The following ADAMTS6 variants were observed in gnomAD, a reference collection of about 807,000 sequenced individuals.
ADAMTS6 encodes the protein A disintegrin and metalloproteinase with thrombospondin motifs 6.
Under a neutral mutation model 144.3 loss-of-function variants are expected in ADAMTS6, and 23 were observed. The ratio of observed to expected loss-of-function variants is 0.16; its 90% CI spans 0.11 to 0.23. The LOEUF is 0.23. Ranked by LOEUF, ADAMTS6 falls within the 10% of genes least tolerant of loss-of-function variation. The pLI is 1.00. For missense variants in ADAMTS6, 999 were observed against 1,379.6 expected (o/e 0.72, Z 4.37); for synonymous variants, 444 against 457.5 (o/e 0.97, Z 0.38).
chr5:65,151,762 C>T lies in ADAMTS6; in HGVS notation c.*74G>A. 2.2e-6 allele frequency: 3 copies of T among 1,334,150 alleles called. No homozygotes were observed. The highest frequency in any genetic ancestry group is 3.2e-6 in the Non-Finnish European group (3 of 935,380). 82.6% of individuals were successfully genotyped at this position (1,334,150 alleles called of 1,614,324 possible). A position where few individuals can be genotyped will look rare whatever the true frequency, so the allele number is the denominator to read the frequency against. On this transcript the variant is annotated 3_prime_UTR_variant, in exon 25 of 25. Transcript: ENST00000381055. The stretch of plus-strand genomic sequence containing the variant: ...CATTTGCAAGGACATCAATCCTCTT[C>T]CTCTGGGTGGCTCTCTTTGATGGAT...
At chr5:65,181,716 T>C (rs767238759) in intron 22 of ADAMTS6, among the ~76,000 whole-genome samples, 15 of 152,188 alleles carry the variant, frequency 9.9e-5, no homozygotes, top group East Asian at 1.9e-4. Flanking sequence ...ATATGAATTA[T>C]TGTAAGAATA....
At chr5:65,471,601 C>CA (rs11433865) in intron 2 of ADAMTS6, among the ~76,000 whole-genome samples, 19,483 of 151,750 alleles carry the variant, frequency 0.13, 4,166 homozygotes, top group African/African-American at 0.45. Flanking sequence ...ACTAAAAATA[C>CA]AAAAAAATTA....
chr5:65,371,575 A>G (rs1289926039), intron 7 of ADAMTS6, among the ~76,000 whole-genome samples: 1 of 152,208 alleles, frequency 6.6e-6, no homozygotes, highest in Non-Finnish European at 1.5e-5. Context: ...TAGAGAAAAA[A>G]GAATAAAAAG....
At chr5:65,170,170 C>G (rs1350085678) in intron 24 of ADAMTS6, among the ~76,000 whole-genome samples, 1 of 152,084 alleles carries the variant, frequency 6.6e-6, no homozygotes, top group South Asian at 2.1e-4. Context: ...ATTTAAAATG[C>G]AAGTAGTTTC....
rs1753563399 is a variant in ADAMTS6, at chr5:65,170,707, C to A, written c.3154G>T (p.Ala1052Ser). 3 of 1,613,874 alleles carry A rather than the reference C, an allele frequency of 1.9e-6. No individual in the cohort carries two copies. Among genetic ancestry groups the A allele is most frequent in the Non-Finnish European group, 2.5e-6 (3 of 1,179,898 alleles). Residue 1052 changes from alanine (A) to serine (S), a missense_variant, in exon 24 of 25, where the codon GCA becomes TCA. Physicochemically the swap from Ala to Ser is moderately conservative, Grantham distance 99. This residue lies in a region of ADAMTS6 where 619 missense variants were observed against 837.0 expected (regional missense o/e 0.74). Coordinates refer to ENST00000381055, the MANE Select transcript of ADAMTS6 (RefSeq NM_197941.4). ...TVQCLSYTGQ[A>S]SSDCLETVRP... is the part of the protein sequence containing the mutation. ...ACAGTTTCTAGACAGTCACTAGATG[C>A]CTGTCCGGTGTAGGAGAGACACTGC...
intron 14 of ADAMTS6, among the ~76,000 whole-genome samples, chr5:65,259,578 G>A (rs1390061071): frequency 6.6e-6 from 1 of 152,168 alleles, no homozygotes; most frequent in Admixed American, 6.6e-5. Context: ...CTTAACAAGA[G>A]TATTTCCATA....
chr5:65,296,444 C>T (rs569904372), intron 10 of ADAMTS6, among the ~76,000 whole-genome samples: 1 of 152,260 alleles, frequency 6.6e-6, no homozygotes, highest in African/African-American at 2.4e-5. Context: ...CCTTTTCCCC[C>T]TATATGTAAT....
chr5:65,332,304 T>G lies in ADAMTS6; in HGVS notation c.1117+1738A>C, dbSNP rs542629851. ...CAGTGAGGGTATATATATATATATA[T>G]ATATATATAGAGAGAGAGAGAGAGA... On this transcript the variant is annotated intron_variant, in intron 8 of 24. Coordinates refer to ENST00000381055, the MANE Select transcript of ADAMTS6 (RefSeq NM_197941.4). Among the ~76,000 whole-genome samples, 1,134 of 117,902 alleles carry G rather than the reference T, an allele frequency of 9.6e-3. 12 individuals carry two copies. Among genetic ancestry groups the G allele is most frequent in the African/African-American group, 0.03 (1,065 of 36,016 alleles). 77.3% of individuals were successfully genotyped at this position (117,902 alleles called of 152,430 possible).
chr5:65,262,893 A>C lies in ADAMTS6; in HGVS notation c.1690T>G (p.Trp564Gly). ...PQSIDGGWGPWSLWGECSRTC... is the reference protein window; with the variant it reads ...PQSIDGGWGPGSLWGECSRTC... The stretch of plus-strand genomic sequence containing the variant: ...CTGCTGCACTCTCCCCATAGTGACC[A>C]GGGACCCCAGCCCCCATCTATGCTC... Residue 564 changes from tryptophan to glycine, a missense_variant, in exon 13 of 25, where the codon TGG (tryptophan) becomes GGG (glycine). By Grantham distance (184) the Trp-to-Gly change is radical. Coordinates refer to ENST00000381055, the MANE Select transcript of ADAMTS6 (RefSeq NM_197941.4). The C allele has an allele frequency of 6.2e-7, 1 of 1,612,792 alleles. No homozygotes were observed. The highest frequency in any genetic ancestry group is 8.5e-7 in the Non-Finnish European group (1 of 1,179,396).
intron 21 of ADAMTS6, among the ~76,000 whole-genome samples, chr5:65,191,957 T>G (rs2112196884): frequency 6.6e-6 from 1 of 152,236 alleles, no homozygotes; most frequent in African/African-American, 2.4e-5. Flanking sequence ...CATCACTGGA[T>G]ATTAGCATAC....
chr5:65,464,197 G>A (rs1161986884), intron 3 of ADAMTS6, among the ~76,000 whole-genome samples: 2 of 152,134 alleles, frequency 1.3e-5, no homozygotes, highest in African/African-American at 4.8e-5. Context: ...AATCCCTTTG[G>A]AAGTCTAAGG....
At chr5:65,224,296 A>C in intron 18 of ADAMTS6, 24 bp downstream of exon 18, 2 of 1,601,640 alleles carry the variant, frequency 1.2e-6, no homozygotes, top group Non-Finnish European at 1.7e-6. Context: ...AAATCCAGCA[A>C]ACTAGCATAC....
intron 7 of ADAMTS6, among the ~76,000 whole-genome samples, chr5:65,444,157 C>T (rs769663247): frequency 2.0e-5 from 3 of 152,004 alleles, no homozygotes; most frequent in Non-Finnish European, 4.4e-5. Context: ...TTTGGGAGGC[C>T]GAGGCAGGCA....
chr5:65,329,868 G>A (rs1487256716), intron 8 of ADAMTS6, among the ~76,000 whole-genome samples: 1 of 152,028 alleles, frequency 6.6e-6, no homozygotes, highest in Non-Finnish European at 1.5e-5. Flanking sequence ...ATCTGTTTAA[G>A]TTTAGTGGGT....
chr5:65,291,511 G>T, intron 10 of ADAMTS6, 41 bp from the exon 11 acceptor site: 1 of 1,551,144 alleles, frequency 6.4e-7, no homozygotes, highest in South Asian at 1.2e-5. Context: ...GGTATTCTAT[G>T]GGCTATTTTA....
At chr5:65,177,189 C>T (rs186906148) in intron 22 of ADAMTS6, among the ~76,000 whole-genome samples, 12 of 152,250 alleles carry the variant, frequency 7.9e-5, no homozygotes, top group East Asian at 5.8e-4. Flanking sequence ...TCATCACACC[C>T]GAGTCAAAGC....
At chr5:65,412,967 A>G (rs1056502803) in intron 7 of ADAMTS6, among the ~76,000 whole-genome samples, 5 of 152,182 alleles carry the variant, frequency 3.3e-5, no homozygotes, top group African/African-American at 1.2e-4. Context: ...TATGAATATC[A>G]AGATTTAGCA....
intron 7 of ADAMTS6, among the ~76,000 whole-genome samples, chr5:65,432,246 T>C (rs1757052805): frequency 6.6e-6 from 1 of 152,000 alleles, no homozygotes; most frequent in African/African-American, 2.4e-5. Context: ...AAACTTCTAA[T>C]AAATAAGTTT....
At chr5:65,469,067 C>G (rs1760237851) in intron 3 of ADAMTS6, among the ~76,000 whole-genome samples, 1 of 152,176 alleles carries the variant, frequency 6.6e-6, no homozygotes, top group South Asian at 2.1e-4. Flanking sequence ...CAATTGCTTT[C>G]TCTCCTGTAT....
Sources: gnomAD v4.1 joint callset for allele counts (sites outside exome capture counted in the v4.1 genomes callset) on GRCh38, gnomAD v4.1.1 for gene constraint, gnomAD v4.1.1 regional missense constraint, MANE v1.5 for transcripts, NCBI Gene and HGNC (gene_info 2026-07-23, HGNC 2026-07-21) for gene names.